The following SCLT1 variants were observed in gnomAD, a reference collection of about 807,000 sequenced individuals.
The protein encoded by SCLT1 is sodium channel and clathrin linker 1.
Under a neutral mutation model 112.8 loss-of-function variants are expected in SCLT1, and 78 were observed. The ratio of observed to expected loss-of-function variants is 0.69; its 90% CI spans 0.58 to 0.83. The LOEUF (loss-of-function observed/expected upper bound fraction) is 0.83. Ranked by LOEUF, SCLT1 falls within the 40% of genes least tolerant of loss-of-function variation. SCLT1 has a pLI of 0.00. For missense variants in SCLT1, 747 were observed against 770.4 expected (o/e 0.97, Z 0.36); for synonymous variants, 257 against 254.7 (o/e 1.01, Z -0.09).
At chr4:128,928,786 C>T (rs1015985519) in intron 18 of SCLT1, among the ~76,000 whole-genome samples, 1 of 151,292 alleles carries the variant, frequency 6.6e-6, no homozygotes, top group Non-Finnish European at 1.5e-5. Flanking sequence ...GAGCTGAGAT[C>T]GCGCCACTGC....
chr4:128,952,500 A>G (rs1738843222), intron 14 of SCLT1: 1 of 541,430 alleles, frequency 1.8e-6, no homozygotes, highest in South Asian at 1.6e-5. Context: ...ATATGATAGG[A>G]GCTACAGCTA....
At chr4:129,054,432 G>A (rs1201057575) in intron 2 of SCLT1, among the ~76,000 whole-genome samples, 1 of 152,042 alleles carries the variant, frequency 6.6e-6, no homozygotes, top group Non-Finnish European at 1.5e-5. Context: ...ATATTTCTTG[G>A]AGGCTTTGGT....
chr4:128,918,392 C>G (rs1236765235), intron 18 of SCLT1, among the ~76,000 whole-genome samples: 1 of 152,132 alleles, frequency 6.6e-6, no homozygotes, highest in Admixed American at 6.5e-5. Flanking sequence ...ATAATACAAT[C>G]AATCACAAGT....
chr4:128,883,160 A>C (rs559113550), downstream of SCLT1, among the ~76,000 whole-genome samples: 809 of 147,740 alleles, frequency 5.5e-3, 3 homozygotes, highest in African/African-American at 0.012. Flanking sequence ...ACAACAACAA[A>C]AAAAAAAAAA....
chr4:128,960,837 G>A (rs896979665), intron 11 of SCLT1, among the ~76,000 whole-genome samples: 2 of 145,832 alleles, frequency 1.4e-5, no homozygotes, highest in African/African-American at 5.1e-5. Context: ...GGAGAATGGC[G>A]TGAACCCGGG....
At chr4:129,013,317 G>A (rs1744706664) in intron 5 of SCLT1, among the ~76,000 whole-genome samples, 1 of 152,158 alleles carries the variant, frequency 6.6e-6, no homozygotes, top group African/African-American at 2.4e-5. Context: ...TTACATTCAA[G>A]GTTGGTATTG....
chr4:128,903,927 AC>A (rs1734506244), intron 18 of SCLT1, among the ~76,000 whole-genome samples: 2 of 152,188 alleles, frequency 1.3e-5, no homozygotes, highest in Admixed American at 6.5e-5. Flanking sequence ...ATTAAATAAG[AC>A]TTTCCAGAAA....
chr4:129,012,087 T>C (rs1744580507), intron 5 of SCLT1, among the ~76,000 whole-genome samples: 1 of 152,200 alleles, frequency 6.6e-6, no homozygotes, highest in Non-Finnish European at 1.5e-5. Context: ...TGGAATTTGT[T>C]TGCTCTTGGT....
intron 18 of SCLT1, among the ~76,000 whole-genome samples, chr4:128,924,435 A>AT (rs1194461307): frequency 6.6e-6 from 1 of 151,716 alleles, no homozygotes; most frequent in East Asian, 1.9e-4. Context: ...TACCTGGCTA[A>AT]TTTTTTGTAT....
At chr4:128,880,816 G>A (rs1158918143), downstream of SCLT1, among the ~76,000 whole-genome samples, 1 of 152,138 alleles carries the variant, frequency 6.6e-6, no homozygotes, top group Admixed American at 6.6e-5. Context: ...GATTTCCTAA[G>A]AAAGTATGTT....
chr4:128,938,678 A>G (rs1277213442), intron 17 of SCLT1, among the ~76,000 whole-genome samples: 1 of 152,148 alleles, frequency 6.6e-6, no homozygotes, highest in East Asian at 1.9e-4. Context: ...TCTTATGAAC[A>G]CATGTTAAAA....
intron 2 of SCLT1, among the ~76,000 whole-genome samples, chr4:129,052,177 G>A (rs574433034): frequency 6.6e-6 from 1 of 152,110 alleles, no homozygotes; most frequent in East Asian, 1.9e-4. Context: ...ATAATGGACT[G>A]AAATTTTCTT....
chr4:128,889,130 G>A (rs921720538), intron 19 of SCLT1, among the ~76,000 whole-genome samples: 4 of 152,170 alleles, frequency 2.6e-5, no homozygotes, highest in African/African-American at 9.7e-5. Context: ...GTAGGGGTGG[G>A]ATGAACTGTT....
chr4:129,048,122 T>A (rs1748367278), intron 2 of SCLT1, among the ~76,000 whole-genome samples: 1 of 152,110 alleles, frequency 6.6e-6, no homozygotes, highest in Non-Finnish European at 1.5e-5. Flanking sequence ...GGTGTTACAT[T>A]TTTTAGTCCA....
chr4:129,084,441 AT>A (rs1456335371), intron 1 of SCLT1, among the ~76,000 whole-genome samples: 24 of 149,824 alleles, frequency 1.6e-4, no homozygotes, highest in Admixed American at 1.4e-3. Flanking sequence ...ATAAAAAAAA[AT>A]AAATGCCCAG....
At chr4:129,075,989 C>A (rs1751430945) in intron 2 of SCLT1, among the ~76,000 whole-genome samples, 1 of 152,056 alleles carries the variant, frequency 6.6e-6, no homozygotes. Context: ...ATTTTCTGTC[C>A]CAGCTGGAAT....
chr4:128,981,838 G>C (rs770511287), intron 9 of SCLT1, among the ~76,000 whole-genome samples: 3 of 152,098 alleles, frequency 2.0e-5, no homozygotes, highest in Non-Finnish European at 2.9e-5. Context: ...TACTACAGGA[G>C]ACTCAAGCTG....
chr4:128,901,732 C>G (rs936524383), intron 18 of SCLT1, among the ~76,000 whole-genome samples: 1 of 151,700 alleles, frequency 6.6e-6, no homozygotes, highest in African/African-American at 2.4e-5. Context: ...GTCTCCTTTC[C>G]ATTCATTTTA....
At chr4:128,874,670 A>G (rs1732442525) in intron 4 of SCLT1, 2 of 152,718 alleles carry the variant, frequency 1.3e-5, no homozygotes, top group South Asian at 4.1e-4. Context: ...TGAGGTGGCC[A>G]TAAGCAGCAA....
Sources: allele counts gnomAD v4.1 joint callset (sites outside exome capture counted in the v4.1 genomes callset), GRCh38; gene constraint gnomAD v4.1.1; transcripts MANE v1.5; gene names NCBI Gene and HGNC (gene_info 2026-07-23, HGNC 2026-07-21).